The following TMED10 variants were observed in gnomAD, a reference collection of about 807,000 sequenced individuals.
TMED10 encodes transmembrane emp24 domain-containing protein 10.
In TMED10, 7 loss-of-function variants were observed where a neutral mutation model predicts 23.1. The ratio of observed to expected loss-of-function variants is 0.30; its 90% CI spans 0.17 to 0.57. TMED10 has a LOEUF of 0.57. Among genes scored for constraint, TMED10 ranks in the 20% least tolerant of loss-of-function variants. The pLI is 0.91. For missense variants in TMED10, 162 were observed against 274.8 expected (o/e 0.59, Z 2.90); for synonymous variants, 113 against 106.9 (o/e 1.06, Z -0.35).
intron 2 of TMED10, 83 bp downstream of exon 2, chr14:75,151,949 C>G (rs1255059518): frequency 1.5e-5 from 17 of 1,160,592 alleles, no homozygotes; most frequent in East Asian, 1.0e-4. Flanking sequence ...ACAAATGAAA[C>G]TAGATATTAA....
intron 1 of TMED10, among the ~76,000 whole-genome samples, chr14:75,168,735 G>T (rs1896194148): frequency 6.6e-6 from 1 of 152,126 alleles, no homozygotes; most frequent in South Asian, 2.1e-4. Flanking sequence ...ATACCACAAG[G>T]CTTCTCAAGA....
rs780519300 is a variant in TMED10, at chr14:75,176,610, C to T, written c.-31G>A. Reference sequence around the variant, plus strand: ...TGGAGACTCGTTCACCACCGAAGGCCTCAACCGCGCCGGAACCGGGGGGAC... The same window carrying T: ...TGGAGACTCGTTCACCACCGAAGGCTTCAACCGCGCCGGAACCGGGGGGAC... On this transcript the variant is annotated 5_prime_UTR_variant, in exon 1 of 5. Transcript: ENST00000303575. 4 of 1,611,534 alleles carry T rather than the reference C, an allele frequency of 2.5e-6. No individual in the cohort carries two copies. Among genetic ancestry groups the T allele is most frequent in the South Asian group, 1.1e-5 (1 of 90,922 alleles).
Position 75,155,603 on chromosome 14 carries a change from CAG to C in TMED10, c.226-3462_226-3461del, listed in dbSNP as rs748081293. The stretch of plus-strand genomic sequence containing the variant: ...GCCAATTATACCTCAATAAAGCTAA[CAG>C]AGAGAGAGCGCTTCACTGCAATGTG... On this transcript the variant is annotated intron_variant, in intron 1 of 4. Transcript: ENST00000303575. Among the ~76,000 whole-genome samples the C allele has an allele frequency of 1.3e-4, 20 of 152,034 alleles. 1 individual carries two copies. The highest frequency in any genetic ancestry group is 1.1e-3 in the Admixed American group (17 of 15,252).
intron 3 of TMED10, among the ~76,000 whole-genome samples, chr14:75,139,654 T>C (rs1045154309): frequency 7.4e-6 from 1 of 135,906 alleles, no homozygotes; most frequent in African/African-American, 2.7e-5. Flanking sequence ...AAAAAAAAAA[T>C]CTATTGAATC....
intron 3 of TMED10, among the ~76,000 whole-genome samples, chr14:75,137,246 G>A (rs1807938): frequency 0.43 from 65,119 of 150,052 alleles, 15,776 homozygotes; most frequent in East Asian, 0.84. Context: ...TCTTGACCTC[G>A]TGATCCACCT....
At chr14:75,158,617 G>A (rs570825970) in intron 1 of TMED10, among the ~76,000 whole-genome samples, 6 of 151,740 alleles carry the variant, frequency 4.0e-5, no homozygotes, top group East Asian at 4.0e-4. Context: ...ATGAGCCACC[G>A]TGCCCAGCCA....
Position 75,158,071 on chromosome 14 carries a change from T to C in TMED10, c.226-5928A>G, listed in dbSNP as rs947419986. Among the ~76,000 whole-genome samples the C allele has an allele frequency of 3.3e-5, 5 of 152,274 alleles. No individual in the cohort carries two copies. In the East Asian group the frequency reaches 9.7e-4, roughly 29 times the overall value. The stretch of plus-strand genomic sequence containing the variant: ...TGTCTGAAAAAAGAGGAATGTACAG[T>C]GGCCAAGAAAGACTAATAGAATCTT... On this transcript the variant is annotated intron_variant, in intron 1 of 4. Transcript: ENST00000303575.
intron 3 of TMED10, among the ~76,000 whole-genome samples, chr14:75,137,674 CAA>C (rs758096473): frequency 8.9e-5 from 10 of 112,414 alleles, no homozygotes; most frequent in Admixed American, 1.9e-4. Context: ...GACTCCATCT[CAA>C]AAAAAAAAAA....
chr14:75,171,929 CTTT>C (rs918924697), intron 1 of TMED10, among the ~76,000 whole-genome samples: 3 of 143,088 alleles, frequency 2.1e-5, no homozygotes, highest in Admixed American at 7.0e-5. Flanking sequence ...CTGGTTACAT[CTTT>C]TTTTTTTTTT....
intron 3 of TMED10, 112 bp downstream of exon 3, chr14:75,147,552 C>A: frequency 8.9e-7 from 1 of 1,129,122 alleles, no homozygotes; most frequent in African/African-American, 1.5e-5. Flanking sequence ...CACAAGACTG[C>A]TAAGAAACCA....
At chr14:75,150,049 G>T (rs923511937) in intron 2 of TMED10, among the ~76,000 whole-genome samples, 2 of 152,194 alleles carry the variant, frequency 1.3e-5, no homozygotes, top group Non-Finnish European at 2.9e-5. Context: ...AGTGAGCCAA[G>T]ATCGCACCAC....
intron 1 of TMED10, among the ~76,000 whole-genome samples, chr14:75,164,367 G>A (rs903318039): frequency 6.7e-6 from 1 of 149,702 alleles, no homozygotes; most frequent in African/African-American, 2.5e-5. Context: ...AAGTAGCTGG[G>A]ACTACAGGTG....
intron 1 of TMED10, among the ~76,000 whole-genome samples, chr14:75,160,993 G>A (rs1045320305): frequency 1.3e-5 from 2 of 152,080 alleles, no homozygotes; most frequent in Admixed American, 6.6e-5. Context: ...GCAGTGACCC[G>A]AGATTGTGCC....
At chr14:75,165,459 C>T (rs938637168) in intron 1 of TMED10, among the ~76,000 whole-genome samples, 1 of 152,192 alleles carries the variant, frequency 6.6e-6, no homozygotes, top group African/African-American at 2.4e-5. Flanking sequence ...AACTCCTGAC[C>T]TTGTGATCCT....
chr14:75,135,866 G>A lies in TMED10; in HGVS notation c.432C>T (p.Leu144=), dbSNP rs752030121. Residue 144 remains leucine (L), a synonymous_variant, in exon 4 of 5, where the codon CTC becomes CTT. Coordinates refer to ENST00000303575, the MANE Select transcript of TMED10 (RefSeq NM_006827.6). Reference sequence around the variant, plus strand: ...GTCGCAGCTCTACCTCTAATGGTTTGAGCTTCTCAACTTTTGCAATCTGGA... The same window carrying A: ...GTCGCAGCTCTACCTCTAATGGTTTAAGCTTCTCAACTTTTGCAATCTGGA... ...NYEEIAKVEK[L]KPLEVELRRL... is the part of the protein sequence containing the mutation. 1.9e-6 allele frequency: 3 copies of A among 1,613,712 alleles called. No homozygotes were observed. The highest frequency in any genetic ancestry group is 2.5e-6 in the Non-Finnish European group (3 of 1,179,898).
At chr14:75,156,413 G>T (rs1441620225) in intron 1 of TMED10, among the ~76,000 whole-genome samples, 2 of 151,818 alleles carry the variant, frequency 1.3e-5, no homozygotes, top group Admixed American at 1.3e-4. Context: ...GAGTCTACAG[G>T]ACAAAACCAA....
chr14:75,150,997 G>C (rs994099770), intron 2 of TMED10, among the ~76,000 whole-genome samples: 13 of 152,006 alleles, frequency 8.6e-5, no homozygotes, highest in African/African-American at 3.1e-4. Flanking sequence ...CTGCCTCCTG[G>C]GTTCAAACAA....
rs1414887845 is a variant in TMED10, at chr14:75,133,094, G to A, written c.*1791C>T. The A allele has an allele frequency of 1.3e-5, 2 of 152,130 alleles. No individual in the cohort carries two copies. The highest frequency in any genetic ancestry group is 1.9e-4 in the East Asian group (1 of 5,194). The allele number at this position is 152,130 out of a possible 1,614,324, so 9.4% of individuals were successfully genotyped here. On this transcript the variant is annotated 3_prime_UTR_variant, in exon 5 of 5. Transcript: ENST00000303575. ...ATTTACTCTCTTAATGGCCCTCGATGTCTATTTTATACATCATATCTCTTA... is the reference window on the plus strand; with the variant it reads ...ATTTACTCTCTTAATGGCCCTCGATATCTATTTTATACATCATATCTCTTA...
chr14:75,171,281 A>AT (rs377453522), intron 1 of TMED10, among the ~76,000 whole-genome samples: 6,216 of 141,898 alleles, frequency 0.044, 141 homozygotes, highest in Middle Eastern at 0.056. Context: ...ACTGGCTTTA[A>AT]TTTTTTTTTT....
Sources: gnomAD v4.1 joint callset for allele counts (sites outside exome capture counted in the v4.1 genomes callset) on GRCh38, gnomAD v4.1.1 for gene constraint, MANE v1.5 for transcripts, NCBI Gene and HGNC (gene_info 2026-07-23, HGNC 2026-07-21) for gene names.